PAFAH1B1: variants seen among roughly 807,000 people sequenced by gnomAD.
PAFAH1B1 encodes platelet activating factor acetylhydrolase 1b regulatory subunit 1, also known as platelet-activating factor acetylhydrolase IB subunit beta.
A neutral mutation model predicts 57.5 loss-of-function variants in PAFAH1B1; 2 were observed. The observed-to-expected ratio is 0.03, with a 90% CI of 0.01 to 0.11. The LOEUF (loss-of-function observed/expected upper bound fraction) is 0.11. Among genes scored for constraint, PAFAH1B1 ranks in the 10% least tolerant of loss-of-function variants. PAFAH1B1 has a pLI of 1.00. For missense variants in PAFAH1B1, 257 were observed against 512.0 expected, an observed-to-expected ratio of 0.50 and a Z score of 4.81; for synonymous variants, 152 against 169.6, an observed-to-expected ratio of 0.90 and a Z score of 0.81.
chr17:2,655,178 C>T (rs201556889), intron 2 of PAFAH1B1, among the ~76,000 whole-genome samples: 3 of 123,946 alleles, frequency 2.4e-5, no homozygotes, highest in African/African-American at 9.5e-5. Context: ...TATATATATA[C>T]ATATATGTGT....
intron 1 of PAFAH1B1, among the ~76,000 whole-genome samples, chr17:2,605,749 C>G (rs1176682955): frequency 6.6e-6 from 1 of 152,070 alleles, no homozygotes; most frequent in Non-Finnish European, 1.5e-5. Flanking sequence ...ACCTATTTTT[C>G]TCTTCTTCTA....
At chr17:2,672,911 T>C (rs921441335) in intron 7 of PAFAH1B1, among the ~76,000 whole-genome samples, 154 bp downstream of exon 7, 3 of 151,988 alleles carry the variant, frequency 2.0e-5, no homozygotes, top group African/African-American at 7.2e-5. Context: ...CTACTAAAAA[T>C]ACAAAAATTA....
intron 2 of PAFAH1B1, among the ~76,000 whole-genome samples, chr17:2,643,592 C>G (rs1482817325): frequency 1.3e-5 from 2 of 150,620 alleles, no homozygotes; most frequent in East Asian, 4.0e-4. Flanking sequence ...CAGAGGCTTT[C>G]TCTGTTGCCC....
chr17:2,664,665 G>GCTCGCTCT (rs1555526142), intron 2 of PAFAH1B1, among the ~76,000 whole-genome samples: 257 of 86,060 alleles, frequency 3.0e-3, no homozygotes, highest in African/African-American at 8.8e-3. Context: ...TCTATCTATC[G>GCTCGCTCT]CTCTCTCTCT....
intron 5 of PAFAH1B1, 133 bp from the exon 6 acceptor site, chr17:2,670,030 C>G: frequency 1.3e-6 from 1 of 784,836 alleles, no homozygotes; most frequent in Non-Finnish European, 2.3e-6. Flanking sequence ...TACAATATTT[C>G]TAAAATAGTT....
chr17:2,647,728 G>A (rs1020415425), intron 2 of PAFAH1B1, among the ~76,000 whole-genome samples: 1 of 152,186 alleles, frequency 6.6e-6, no homozygotes, highest in Non-Finnish European at 1.5e-5. Context: ...AGGGCAGCCG[G>A]GCGAGGTGGC....
intron 2 of PAFAH1B1, chr17:2,638,577 G>A (rs2068653550): frequency 9.8e-6 from 4 of 408,796 alleles, no homozygotes; most frequent in East Asian, 4.7e-5. Flanking sequence ...GCGCCATCTC[G>A]GCTCACTTCA....
chr17:2,621,826 C>A (rs768287579), intron 1 of PAFAH1B1, among the ~76,000 whole-genome samples: 2 of 151,664 alleles, frequency 1.3e-5, no homozygotes, highest in African/African-American at 4.8e-5. Flanking sequence ...TGTATGTATT[C>A]GTTCGTTTTC....
chr17:2,646,703 C>G (rs1235757046), intron 2 of PAFAH1B1, among the ~76,000 whole-genome samples: 1 of 151,956 alleles, frequency 6.6e-6, no homozygotes, highest in Admixed American at 6.6e-5. Flanking sequence ...GGTGCTTTTT[C>G]TAGGAAAATA....
intron 2 of PAFAH1B1, among the ~76,000 whole-genome samples, chr17:2,652,258 A>C (rs1020648070): frequency 1.3e-5 from 2 of 152,028 alleles, no homozygotes; most frequent in African/African-American, 4.8e-5. Context: ...AAAATACAAA[A>C]AAAAAAATTG....
rs117073780 is a variant in PAFAH1B1 at position 2,662,246 on chromosome 17, G to A, written c.33-3126G>A. Among the ~76,000 whole-genome samples the A allele has an allele frequency of 8.5e-3, 1,294 of 152,258 alleles. 10 individuals are homozygous for A. The highest frequency in any genetic ancestry group is 8.6e-3 in the Non-Finnish European group (582 of 68,024). On this transcript the variant is annotated intron_variant, in intron 2 of 10. Coordinates refer to ENST00000397195, the MANE Select transcript of PAFAH1B1 (RefSeq NM_000430.4). ...AATTTCATTCGTTATGTTTGTAATA[G>A]TTTGATATTTAAGCCTAGGCTGTGT...
chr17:2,660,599 C>T (rs1020618248), intron 2 of PAFAH1B1, among the ~76,000 whole-genome samples: 64 of 152,286 alleles, frequency 4.2e-4, no homozygotes, highest in African/African-American at 1.5e-3. Flanking sequence ...CTTTTTATGG[C>T]TGCATAGTAT....
chr17:2,623,050 C>T (rs942929450), intron 1 of PAFAH1B1, among the ~76,000 whole-genome samples: 8 of 152,188 alleles, frequency 5.3e-5, no homozygotes, highest in African/African-American at 1.9e-4. Flanking sequence ...AGGCTGCACA[C>T]AGCATGGGGA....
intron 1 of PAFAH1B1, among the ~76,000 whole-genome samples, chr17:2,612,596 ATAGC>A (rs1477636466): frequency 6.6e-6 from 1 of 152,060 alleles, no homozygotes; most frequent in African/African-American, 2.4e-5. Flanking sequence ...TTCGCCAACT[ATAGC>A]TAGCAAGTCA....
At chr17:2,602,775 C>A (rs1365906693) in intron 1 of PAFAH1B1, among the ~76,000 whole-genome samples, 1 of 152,200 alleles carries the variant, frequency 6.6e-6, no homozygotes, top group Non-Finnish European at 1.5e-5. Flanking sequence ...ACTAATACGC[C>A]AGGCTCTGTT....
At chr17:2,611,485 T>C (rs888799259) in intron 1 of PAFAH1B1, among the ~76,000 whole-genome samples, 1 of 147,532 alleles carries the variant, frequency 6.8e-6, no homozygotes, top group East Asian at 2.0e-4. Flanking sequence ...AAAAAAAAAA[T>C]AAAAAAAGAA....
At chr17:2,610,516 C>T (rs373040074) in intron 1 of PAFAH1B1, among the ~76,000 whole-genome samples, 1 of 152,246 alleles carries the variant, frequency 6.6e-6, no homozygotes, top group South Asian at 2.1e-4. Flanking sequence ...CCACTTGGCA[C>T]TATCAGGCTA....
chr17:2,596,466 G>C (rs1295623097), intron 1 of PAFAH1B1, among the ~76,000 whole-genome samples: 1 of 152,164 alleles, frequency 6.6e-6, no homozygotes, highest in African/African-American at 2.4e-5. Flanking sequence ...GTTGCTCTTT[G>C]AAAGGGACCT....
rs147321346 is a variant in PAFAH1B1, at chr17:2,636,798, C to T, written c.-190-1301C>T. Among the ~76,000 whole-genome samples, 14 of 152,136 alleles carry T rather than the reference C, an allele frequency of 9.2e-5. No homozygotes were observed. The East Asian group carries it at 1.9e-3, about 21-fold the overall frequency. On this transcript the variant is annotated intron_variant, in intron 1 of 10. Transcript: ENST00000397195. ...CTAGGCTGGAGTGCAATGGCATGAT[C>T]GTAGCTTTCCATAACCTTGAACTCT...
Sources: allele counts gnomAD v4.1 joint callset (sites outside exome capture counted in the v4.1 genomes callset), GRCh38; gene constraint gnomAD v4.1.1; transcripts MANE v1.5; gene names NCBI Gene and HGNC (gene_info 2026-07-23, HGNC 2026-07-21).